The following C1QTNF3 variants were observed in gnomAD, a reference collection of about 807,000 sequenced individuals.
C1QTNF3 encodes the protein C1q and TNF related 3.
In C1QTNF3, 26 loss-of-function variants were observed where a neutral mutation model predicts 32.6. The observed-to-expected ratio is 0.80, with a 90% CI of 0.58 to 1.11. The LOEUF (loss-of-function observed/expected upper bound fraction) is 1.11. Among genes scored for constraint, C1QTNF3 ranks in the 50% least tolerant of loss-of-function variants. The pLI is 0.00. For synonymous variants in C1QTNF3, 155 were observed against 146.0 expected, an observed-to-expected ratio of 1.06 and a Z score of -0.44; for missense variants, 362 against 398.2, an observed-to-expected ratio of 0.91 and a Z score of 0.77.
intron 1 of C1QTNF3, among the ~76,000 whole-genome samples, chr5:34,039,527 G>A (rs1022787646): frequency 1.3e-5 from 2 of 152,158 alleles, no homozygotes; most frequent in Non-Finnish European, 2.9e-5. Flanking sequence ...GGGCTCAGAG[G>A]AACTTTGTAA....
At chr5:34,029,005 GGAGA>G (rs1339221800) in intron 3 of C1QTNF3, 122 bp from the exon 4 acceptor site, 10 of 726,850 alleles carry the variant, frequency 1.4e-5, no homozygotes, top group South Asian at 7.2e-5. Context: ...ATCAATCTAT[GGAGA>G]GAGAAACAAA....
chr5:34,113,917 C>T, the C1QTNF3 span, among the ~76,000 whole-genome samples: 3 of 152,170 alleles, frequency 2.0e-5, no homozygotes, highest in Admixed American at 6.5e-5. Flanking sequence ...TGGCAGTGAA[C>T]GTTCAGCAGC....
chr5:34,056,634 T>C, the C1QTNF3 span, among the ~76,000 whole-genome samples: 1 of 151,046 alleles, frequency 6.6e-6, no homozygotes, highest in Non-Finnish European at 1.5e-5. Context: ...GACCTCAGCT[T>C]CCCGAGCAGC....
chr5:34,066,278 C>A, the C1QTNF3 span, among the ~76,000 whole-genome samples: 1 of 152,166 alleles, frequency 6.6e-6, no homozygotes, highest in African/African-American at 2.4e-5. Context: ...AACCACCTGA[C>A]CATGACCTGA....
chr5:34,061,388 G>A, the C1QTNF3 span, among the ~76,000 whole-genome samples: 5 of 152,132 alleles, frequency 3.3e-5, no homozygotes, highest in African/African-American at 4.8e-5. Context: ...AGTGGCCTTC[G>A]TCTTGCAGCT....
chr5:34,226,914 T>A, the C1QTNF3 span, among the ~76,000 whole-genome samples: 2 of 151,574 alleles, frequency 1.3e-5, no homozygotes, highest in East Asian at 3.9e-4. Context: ...ACAAGATGGA[T>A]CCTTCTTCTG....
chr5:34,211,206 G>T, the C1QTNF3 span, among the ~76,000 whole-genome samples: 1 of 151,248 alleles, frequency 6.6e-6, no homozygotes, highest in African/African-American at 2.4e-5. Context: ...AAAAGTAAAT[G>T]TTATAATATT....
intron 3 of C1QTNF3, 108 bp downstream of exon 3, chr5:34,033,196 A>T: frequency 1.7e-6 from 2 of 1,208,824 alleles, no homozygotes; most frequent in Non-Finnish European, 2.4e-6. Context: ...ACTCAGATTT[A>T]CTCAGGATTG....
chr5:34,111,341 T>A, the C1QTNF3 span, among the ~76,000 whole-genome samples: 1 of 152,184 alleles, frequency 6.6e-6, no homozygotes, highest in South Asian at 2.1e-4. Context: ...CTTGAAATTG[T>A]CTTGTTCTTC....
In C1QTNF3 at chr5:34,043,141, C is replaced by T. The variant is rs762143540; in HGVS notation, c.-16G>A. On this transcript the variant is annotated 5_prime_UTR_variant, in exon 1 of 6. Transcript: ENST00000382065. ...TCCAAAGCATGATTCTCAACAGAGC[C>T]TCAGAGTCTCCCTGAGAAGACAGCA... 1 of 1,602,406 alleles carries T rather than the reference C, an allele frequency of 6.2e-7. No individual in the cohort carries two copies. Among genetic ancestry groups the T allele is most frequent in the Non-Finnish European group, 8.5e-7 (1 of 1,175,190 alleles).
chr5:34,079,977 G>A, the C1QTNF3 span, among the ~76,000 whole-genome samples: 31 of 151,790 alleles, frequency 2.0e-4, no homozygotes, highest in Admixed American at 3.9e-4. Context: ...GAAACTTTTA[G>A]AGGAGATGAG....
chr5:34,071,358 A>T, the C1QTNF3 span, among the ~76,000 whole-genome samples: 1 of 152,228 alleles, frequency 6.6e-6, no homozygotes, highest in South Asian at 2.1e-4. Context: ...CGTATATACT[A>T]GAAATATTTC....
chr5:34,032,179 G>T (rs773679487), intron 3 of C1QTNF3, among the ~76,000 whole-genome samples: 3 of 152,194 alleles, frequency 2.0e-5, no homozygotes, highest in Non-Finnish European at 2.9e-5. Flanking sequence ...CCCCAGAGGG[G>T]ATCCATTTCA....
the C1QTNF3 span, among the ~76,000 whole-genome samples, chr5:34,144,990 G>A: frequency 6.6e-6 from 1 of 152,014 alleles, no homozygotes; most frequent in Non-Finnish European, 1.5e-5. Flanking sequence ...TTAGCCAGGC[G>A]TGGTGGTGCG....
chr5:34,153,502 T>G, the C1QTNF3 span, among the ~76,000 whole-genome samples: 1 of 2,788 alleles, frequency 3.6e-4, no homozygotes, highest in East Asian at 6.2e-3. Flanking sequence ...GTGGCACATA[T>G]ACACCATGGA....
the C1QTNF3 span, among the ~76,000 whole-genome samples, chr5:34,065,391 C>G: frequency 2.0e-5 from 3 of 152,144 alleles, no homozygotes; most frequent in Middle Eastern, 3.2e-3. Flanking sequence ...ACAGGCCATG[C>G]ATGGTGGCTC....
the C1QTNF3 span, among the ~76,000 whole-genome samples, chr5:34,235,773 T>A: frequency 6.6e-6 from 1 of 152,230 alleles, no homozygotes; most frequent in South Asian, 2.1e-4. Context: ...CATTTAATAC[T>A]AATTTAGTGG....
the C1QTNF3 span, among the ~76,000 whole-genome samples, chr5:34,216,456 A>G: frequency 1.3e-5 from 2 of 152,152 alleles, no homozygotes; most frequent in Non-Finnish European, 2.9e-5. Flanking sequence ...AGCATTTAGA[A>G]AGATTTTTTT....
chr5:34,085,423 C>T, the C1QTNF3 span, among the ~76,000 whole-genome samples: 1 of 151,196 alleles, frequency 6.6e-6, no homozygotes, highest in African/African-American at 2.5e-5. Context: ...ATCCTTTTCC[C>T]ATTGCTTGTT....
Sources: allele counts gnomAD v4.1 joint callset (sites outside exome capture counted in the v4.1 genomes callset), GRCh38; gene constraint gnomAD v4.1.1; transcripts MANE v1.5; gene names NCBI Gene and HGNC (gene_info 2026-07-23, HGNC 2026-07-21).